Variants in NTM observed in about 807,000 individuals in gnomAD.
The protein encoded by NTM is neurotrimin.
NTM carries 13 observed loss-of-function variants against 42.1 expected under a neutral mutation model. The observed-to-expected ratio is 0.31, with a 90% CI of 0.20 to 0.49. The LOEUF (loss-of-function observed/expected upper bound fraction) is 0.49, where lower values mean the gene tolerates loss of function less well. NTM is among the 20% of genes least tolerant of loss of function. The pLI is 0.99. For missense variants in NTM, 373 were observed against 452.8 expected (o/e 0.82, Z 1.60); for synonymous variants, 187 against 179.2 (o/e 1.04, Z -0.35).
intron 1 of NTM, among the ~76,000 whole-genome samples, chr11:131,614,208 C>A (rs527425582): frequency 1.3e-5 from 2 of 152,246 alleles, no homozygotes; most frequent in East Asian, 3.9e-4. Flanking sequence ...AGAAAACAGG[C>A]CTCTAAAGAG....
intron 2 of NTM, among the ~76,000 whole-genome samples, chr11:131,993,666 C>G (rs1359633500): frequency 6.6e-6 from 1 of 151,872 alleles, no homozygotes; most frequent in Non-Finnish European, 1.5e-5. Context: ...CAGAGACATA[C>G]AAAAATTAAA....
At chr11:131,526,729 G>T (rs1021561121) in intron 1 of NTM, among the ~76,000 whole-genome samples, 2 of 152,138 alleles carry the variant, frequency 1.3e-5, no homozygotes, top group Non-Finnish European at 2.9e-5. Context: ...GGAATGTGAG[G>T]GAGGGTCATC....
chr11:132,032,571 T>G (rs1182326937), intron 2 of NTM, among the ~76,000 whole-genome samples: 1 of 152,176 alleles, frequency 6.6e-6, no homozygotes, highest in Non-Finnish European at 1.5e-5. Context: ...CCATCGCTCT[T>G]CCTCTGTGTC....
chr11:131,687,352 A>G (rs1048639046), intron 1 of NTM, among the ~76,000 whole-genome samples: 2 of 152,030 alleles, frequency 1.3e-5, no homozygotes, highest in African/African-American at 2.4e-5. Context: ...GCCCCTTCCA[A>G]TTGCGGCTTC....
intron 4 of NTM, among the ~76,000 whole-genome samples, chr11:132,281,746 T>A (rs2093978687): frequency 6.6e-6 from 1 of 152,238 alleles, no homozygotes; most frequent in Non-Finnish European, 1.5e-5. Context: ...AGATTTGGAA[T>A]AAGGGTTAAT....
rs997314522 is a variant in NTM, at chr11:131,779,973, C to G, written c.83-131591C>G. 3.3e-5 allele frequency among the ~76,000 whole-genome samples: 5 copies of G among 152,164 alleles called. 1 individual carries two copies. The highest frequency in any genetic ancestry group is 3.3e-4 in the Admixed American group (5 of 15,280). ...GGAAAGTGTTGGATGTACAGAATCT[C>G]AGTCCCACCCACTCCCCTATATCAG... On this transcript the variant is annotated intron_variant, in intron 1 of 8. Coordinates refer to ENST00000683400, the MANE Select transcript of NTM (RefSeq NM_001352005.2).
At chr11:132,166,569 A>G (rs1039852513) in intron 3 of NTM, among the ~76,000 whole-genome samples, 1 of 152,198 alleles carries the variant, frequency 6.6e-6, no homozygotes, top group Non-Finnish European at 1.5e-5. Context: ...TCAGAATGCT[A>G]TGCAATCCAC....
chr11:131,871,068 A>G (rs948359819), intron 1 of NTM, among the ~76,000 whole-genome samples: 55 of 152,336 alleles, frequency 3.6e-4, no homozygotes, highest in Middle Eastern at 3.4e-3. Flanking sequence ...ATGAGACTGT[A>G]GCTGAATCTA....
chr11:132,317,734 A>G, intron 7 of NTM: 2 of 1,189,238 alleles, frequency 1.7e-6, no homozygotes, highest in South Asian at 2.5e-5. Context: ...CCTTCCCTCT[A>G]TCCCAGAGGC....
chr11:131,485,882 A>G (rs1954124039), intron 1 of NTM, among the ~76,000 whole-genome samples: 1 of 152,122 alleles, frequency 6.6e-6, no homozygotes, highest in Non-Finnish European at 1.5e-5. Context: ...ATTGGTCTTC[A>G]TTTCTCGAGA....
intron 2 of NTM, among the ~76,000 whole-genome samples, chr11:132,107,591 A>C (rs1370389298): frequency 6.6e-6 from 1 of 151,766 alleles, no homozygotes; most frequent in Admixed American, 6.6e-5. Context: ...GCTGGTCTCA[A>C]ACTCCTAGGG....
At chr11:131,726,234 C>A (rs368554176) in intron 1 of NTM, among the ~76,000 whole-genome samples, 2 of 152,164 alleles carry the variant, frequency 1.3e-5, no homozygotes, top group African/African-American at 4.8e-5. Context: ...CTAGAGCTCT[C>A]TCTAGCGACC....
In NTM at chr11:131,370,775, AAAAAAGAAG is replaced by A. The variant is rs1397036826; in HGVS notation, c.-20_-12del. ...AAGAAAGAAAAAAACCGAACCTGAC[AAAAAAGAAG>A]AAAAAGAAGAAGAAAAAAAATCATG... is the stretch of plus-strand genomic sequence containing the variant. On this transcript the variant is annotated 5_prime_UTR_variant, in exon 1 of 9. Transcript: ENST00000683400. 10 of 1,589,994 alleles carry A rather than the reference AAAAAAGAAG, an allele frequency of 6.3e-6. No individual in the cohort carries two copies. The highest frequency in any genetic ancestry group is 1.7e-4 in the Middle Eastern group (1 of 6,012).
chr11:132,279,085 G>T (rs1346873544), intron 4 of NTM, among the ~76,000 whole-genome samples: 1 of 152,118 alleles, frequency 6.6e-6, no homozygotes, highest in Non-Finnish European at 1.5e-5. Flanking sequence ...TTCCTGTTCT[G>T]CTTATCACAG....
At chr11:132,080,773 TA>T (rs905863748) in intron 2 of NTM, among the ~76,000 whole-genome samples, 41 of 152,188 alleles carry the variant, frequency 2.7e-4, no homozygotes, top group African/African-American at 7.7e-4. Context: ...GATTTTAATC[TA>T]AAAAAAACTG....
intron 1 of NTM, among the ~76,000 whole-genome samples, chr11:131,768,252 G>T (rs2085462529): frequency 6.6e-6 from 1 of 151,696 alleles, no homozygotes; most frequent in East Asian, 1.9e-4. Context: ...CCAAGTAGCT[G>T]GGATTATAGG....
intron 2 of NTM, among the ~76,000 whole-genome samples, chr11:131,953,936 C>T: frequency 6.6e-6 from 1 of 152,270 alleles, no homozygotes; most frequent in East Asian, 1.9e-4. Flanking sequence ...ATGGAGAAAG[C>T]CAGCCTTTCT....
intron 2 of NTM, among the ~76,000 whole-genome samples, chr11:132,034,957 G>A (rs534317913): frequency 2.0e-5 from 3 of 152,276 alleles, no homozygotes; most frequent in Admixed American, 2.0e-4. Context: ...CATATTTCTG[G>A]TCTCCTAGCA....
chr11:132,329,096 C>A (rs1231904862), intron 7 of NTM, among the ~76,000 whole-genome samples: 1 of 152,130 alleles, frequency 6.6e-6, no homozygotes, highest in East Asian at 1.9e-4. Context: ...TGTGAATGCA[C>A]AAGTACGTAT....
Sources: allele counts gnomAD v4.1 joint callset (sites outside exome capture counted in the v4.1 genomes callset), GRCh38; gene constraint gnomAD v4.1.1; transcripts MANE v1.5; gene names NCBI Gene and HGNC (gene_info 2026-07-23, HGNC 2026-07-21).